The following OTC variants were observed in gnomAD, a reference collection of about 807,000 sequenced individuals.
OTC encodes ornithine transcarbamylase.
Under a neutral mutation model 30.3 loss-of-function variants are expected in OTC, and 3 were observed. The ratio of observed to expected loss-of-function variants is 0.10; its 90% CI spans 0.05 to 0.26. The LOEUF (loss-of-function observed/expected upper bound fraction) is 0.26, where lower values mean the gene tolerates loss of function less well. Among genes scored for constraint, OTC ranks in the 10% least tolerant of loss-of-function variants. OTC has a pLI of 1.00. For missense variants in OTC, 194 were observed against 260.3 expected, an observed-to-expected ratio of 0.75 and a Z score of 1.75; for synonymous variants, 111 against 99.7, an observed-to-expected ratio of 1.11 and a Z score of -0.67.
intron 2 of OTC, 127 bp downstream of exon 2, chrX:38,367,556 C>T: frequency 5.3e-6 from 3 of 567,270 alleles, no homozygotes; most frequent in Non-Finnish European, 8.8e-6. Context: ...TGAAACCTCA[C>T]AGTCAAGGTA....
At chrX:38,396,772 G>GA (rs962770335) in intron 4 of OTC, among the ~76,000 whole-genome samples, 202 of 104,335 alleles carry the variant, frequency 1.9e-3, no homozygotes, top group East Asian at 3.2e-3. Context: ...GACTCCGTCT[G>GA]AAAAAAAAAA....
intron 4 of OTC, among the ~76,000 whole-genome samples, chrX:38,382,278 C>A (rs957052275): frequency 8.9e-6 from 1 of 112,091 alleles, no homozygotes; most frequent in Non-Finnish European, 1.9e-5. Context: ...AAGCATAGGC[C>A]TCCTGACTCC....
chrX:38,406,876 G>T (rs1280954555), intron 6 of OTC, among the ~76,000 whole-genome samples: 2 of 112,601 alleles, frequency 1.8e-5, no homozygotes, highest in Non-Finnish European at 3.7e-5. Context: ...CAACATCTGA[G>T]TAGTTTCTTC....
At chrX:38,407,381 CATG>C (rs1482982759) in intron 6 of OTC, among the ~76,000 whole-genome samples, 1 of 112,221 alleles carries the variant, frequency 8.9e-6, no homozygotes, top group African/African-American at 3.2e-5. Flanking sequence ...GTCCTTTATT[CATG>C]ATTATTCCTG....
chrX:38,343,374 C>G, the OTC span, among the ~76,000 whole-genome samples: 1 of 111,787 alleles, frequency 8.9e-6, no homozygotes, highest in African/African-American at 3.3e-5. Flanking sequence ...AGTTTAACCT[C>G]TGTACTTCCA....
chrX:38,404,367 T>G (rs921002518), intron 6 of OTC, among the ~76,000 whole-genome samples: 8 of 111,185 alleles, frequency 7.2e-5, no homozygotes, highest in African/African-American at 2.6e-4. Flanking sequence ...CACAAGAAAC[T>G]GGTAATAATT....
chrX:38,338,120 A>G, the OTC span, among the ~76,000 whole-genome samples: 1 of 112,046 alleles, frequency 8.9e-6, no homozygotes, highest in African/African-American at 3.2e-5. Flanking sequence ...ATATCCACCT[A>G]AGAAACCTGT....
chrX:38,337,501 A>G, the OTC span, among the ~76,000 whole-genome samples: 2 of 111,549 alleles, frequency 1.8e-5, no homozygotes, highest in Non-Finnish European at 3.8e-5. Context: ...TGGCCAAACC[A>G]TTAACCCCTG....
intron 9 of OTC, among the ~76,000 whole-genome samples, chrX:38,413,579 G>A (rs1332172753): frequency 9.0e-6 from 1 of 111,223 alleles, no homozygotes; most frequent in East Asian, 2.8e-4. Flanking sequence ...AAGCCTTAAT[G>A]TGCATTTAAA....
chrX:38,328,894 C>G, the OTC span, among the ~76,000 whole-genome samples: 1 of 110,983 alleles, frequency 9.0e-6, no homozygotes, highest in South Asian at 3.8e-4. Flanking sequence ...TATTTTAGGT[C>G]TTAGAATCAA....
At chrX:38,377,861 G>A (rs1409597262) in intron 3 of OTC, among the ~76,000 whole-genome samples, 2 of 109,995 alleles carry the variant, frequency 1.8e-5, no homozygotes, top group Non-Finnish European at 1.9e-5. Context: ...TTTTTTAGAC[G>A]AAGTCTCACT....
intron 1 of OTC, among the ~76,000 whole-genome samples, chrX:38,362,554 C>T (rs2068277411): frequency 8.9e-6 from 1 of 112,261 alleles, no homozygotes; most frequent in Non-Finnish European, 1.9e-5. Context: ...AAAAGGAAAG[C>T]TTCAAGCAGG....
At chrX:38,395,279 G>A (rs1421306611) in intron 4 of OTC, 1 of 112,534 alleles carries the variant, frequency 8.9e-6, no homozygotes, top group Non-Finnish European at 1.9e-5. Context: ...TCTTCTTTCA[G>A]TTAGGACATT....
At chrX:38,395,385 G>A (rs2068450583) in intron 4 of OTC, 1 of 113,146 alleles carries the variant, frequency 8.8e-6, no homozygotes, top group Admixed American at 9.5e-5. Context: ...ACTTTGTATG[G>A]AAAGGCATGT....
the OTC span, among the ~76,000 whole-genome samples, chrX:38,328,383 C>A: frequency 8.9e-6 from 1 of 112,208 alleles, no homozygotes; most frequent in African/African-American, 3.2e-5. Context: ...CACAAATAAT[C>A]ATTTACTTAC....
At chrX:38,401,566 G>T (rs918822526) in intron 5 of OTC, 138 bp downstream of exon 5, 1 of 533,297 alleles carries the variant, frequency 1.9e-6, no homozygotes, top group East Asian at 3.6e-5. Flanking sequence ...CAGCTTGTGT[G>T]TGCATTTTCT....
chrX:38,328,607 G>C, the OTC span, among the ~76,000 whole-genome samples: 1 of 111,945 alleles, frequency 8.9e-6, no homozygotes, highest in African/African-American at 3.2e-5. Flanking sequence ...GGCGAGGCTG[G>C]TTCCTAGCGA....
intron 8 of OTC, among the ~76,000 whole-genome samples, chrX:38,410,418 C>T (rs1346963374): frequency 8.9e-6 from 1 of 111,791 alleles, no homozygotes; most frequent in African/African-American, 3.2e-5. Context: ...TTTTCCATAT[C>T]CTCTCCATGT....
At chrX:38,422,093 A>T (rs765379205), downstream of OTC, among the ~76,000 whole-genome samples, 5 of 112,210 alleles carry the variant, frequency 4.5e-5, no homozygotes, top group South Asian at 3.6e-4. Flanking sequence ...AAGTTTTTTT[A>T]AAAAATTATA....
Sources: allele counts gnomAD v4.1 joint callset (sites outside exome capture counted in the v4.1 genomes callset), GRCh38; gene constraint gnomAD v4.1.1; transcripts MANE v1.5; gene names NCBI Gene and HGNC (gene_info 2026-07-23, HGNC 2026-07-21).